The following TUSC3 variants were observed in gnomAD, a reference collection of about 807,000 sequenced individuals.
TUSC3 encodes the protein tumor suppressor candidate 3.
Under a neutral mutation model 44.8 loss-of-function variants are expected in TUSC3, and 45 were observed. The observed-to-expected ratio is 1.00, with a 90% CI of 0.79 to 1.29. The LOEUF is 1.29. Ranked by LOEUF, TUSC3 falls within the 50% of genes most tolerant of loss-of-function variation. TUSC3 has a pLI of 0.00. For missense variants in TUSC3, 519 were observed against 437.9 expected (o/e 1.19, Z -1.65); for synonymous variants, 212 against 152.9 (o/e 1.39, Z -2.85).
intron 1 of TUSC3, among the ~76,000 whole-genome samples, chr8:15,473,578 A>G (rs1800526457): frequency 6.6e-6 from 1 of 152,160 alleles, no homozygotes; most frequent in Non-Finnish European, 1.5e-5. Context: ...AAATGAAGAG[A>G]AAGAGTACAA....
chr8:15,506,648 G>C (rs1801054804), intron 2 of TUSC3, among the ~76,000 whole-genome samples: 1 of 152,166 alleles, frequency 6.6e-6, no homozygotes, highest in South Asian at 2.1e-4. Context: ...CAGGGGAAGT[G>C]CCTTTATAAA....
the TUSC3 span, among the ~76,000 whole-genome samples, chr8:15,793,500 A>G: frequency 6.6e-6 from 1 of 151,816 alleles, no homozygotes; most frequent in Non-Finnish European, 1.5e-5. Context: ...CTTTGTTCCC[A>G]TGTTGCTTGT....
At chr8:15,563,843 A>T (rs1202311622) in intron 1 of TUSC3, among the ~76,000 whole-genome samples, 2 of 152,126 alleles carry the variant, frequency 1.3e-5, no homozygotes, top group Non-Finnish European at 2.9e-5. Flanking sequence ...TATTTCAAGT[A>T]ATTCACGTAT....
chr8:15,809,496 C>CCT, the TUSC3 span, among the ~76,000 whole-genome samples: 2 of 150,208 alleles, frequency 1.3e-5, no homozygotes, highest in Non-Finnish European at 2.9e-5. Flanking sequence ...CAAGACCCCC[C>CCT]CTGTAGATGC....
At chr8:15,509,875 A>G (rs1246495964) in intron 2 of TUSC3, among the ~76,000 whole-genome samples, 1 of 152,210 alleles carries the variant, frequency 6.6e-6, no homozygotes, top group East Asian at 1.9e-4. Flanking sequence ...TGAAATTTTA[A>G]TAAGTTATTT....
chr8:15,672,678 A>C (rs1214865722), intron 5 of TUSC3, among the ~76,000 whole-genome samples: 2 of 152,092 alleles, frequency 1.3e-5, no homozygotes, highest in African/African-American at 2.4e-5. Context: ...TTAGTTGGTT[A>C]CATATTTTTA....
intron 1 of TUSC3, among the ~76,000 whole-genome samples, chr8:15,469,921 A>G (rs964776192): frequency 2.0e-5 from 3 of 152,192 alleles, no homozygotes; most frequent in East Asian, 1.9e-4. Flanking sequence ...GATTCCAACT[A>G]TATGACATTC....
rs1811177456 is a variant in TUSC3, at chr8:15,741,149, A to ATG, written c.863-2387_863-2386dup. 7.2e-4 allele frequency among the ~76,000 whole-genome samples: 3 copies of ATG among 4,168 alleles called. No homozygotes were observed. The South Asian group carries it at 9.9e-3, about 14-fold the overall frequency. The allele number at this position is 4,168 out of a possible 152,430, so 2.7% of individuals were successfully genotyped here. A position where few individuals can be genotyped will look rare whatever the true frequency, so the allele number is the denominator to read the frequency against. On this transcript the variant is annotated intron_variant, in intron 7 of 10. Coordinates refer to ENST00000503731, the MANE Select transcript of TUSC3 (RefSeq NM_006765.4). The stretch of plus-strand genomic sequence containing the variant: ...CTTTGTGTGTGTATAAACCGATAAC[A>ATG]TGTTTGTGTACATGTGCATTTATAT...
intron 1 of TUSC3, among the ~76,000 whole-genome samples, chr8:15,585,770 C>T (rs1045118083): frequency 6.6e-6 from 1 of 152,322 alleles, no homozygotes; most frequent in Non-Finnish European, 1.5e-5. Context: ...AGTCAAGCCC[C>T]TCAGTGTCTG....
chr8:15,503,630 G>A (rs1800999755), intron 2 of TUSC3, among the ~76,000 whole-genome samples: 2 of 152,088 alleles, frequency 1.3e-5, no homozygotes, highest in African/African-American at 4.8e-5. Flanking sequence ...CTTGAGCCCA[G>A]GAATTCGAGG....
At chr8:15,447,549 A>G (rs1005316306) in intron 1 of TUSC3, among the ~76,000 whole-genome samples, 1 of 152,222 alleles carries the variant, frequency 6.6e-6, no homozygotes, top group Admixed American at 6.5e-5. Context: ...CTATGAAGCA[A>G]TGAAAAAAGC....
chr8:15,646,542 T>A (rs1035552933), intron 2 of TUSC3, among the ~76,000 whole-genome samples: 18 of 152,138 alleles, frequency 1.2e-4, no homozygotes, highest in Non-Finnish European at 2.4e-4. Context: ...TTTTATTTTT[T>A]AATTTTTTTA....
intron 5 of TUSC3, among the ~76,000 whole-genome samples, chr8:15,671,722 G>A (rs1807954039): frequency 1.3e-5 from 2 of 152,046 alleles, no homozygotes; most frequent in South Asian, 4.1e-4. Context: ...TAGAATGTAA[G>A]CTTCCTAATG....
chr8:15,456,169 A>C (rs1385685148), intron 1 of TUSC3, among the ~76,000 whole-genome samples: 1 of 152,132 alleles, frequency 6.6e-6, no homozygotes, highest in Non-Finnish European at 1.5e-5. Context: ...AAAAACCTCT[A>C]ACTTCACAGC....
At chr8:15,756,746 A>T (rs747352468) in intron 9 of TUSC3, among the ~76,000 whole-genome samples, 14 of 152,286 alleles carry the variant, frequency 9.2e-5, no homozygotes, top group South Asian at 4.1e-4. Flanking sequence ...GCTCCAGAAG[A>T]TGCAGTCCAT....
intron 1 of TUSC3, among the ~76,000 whole-genome samples, chr8:15,464,017 C>G (rs940246425): frequency 6.6e-6 from 1 of 152,124 alleles, no homozygotes; most frequent in Non-Finnish European, 1.5e-5. Flanking sequence ...TCCTAAAGTG[C>G]CTGTAAGATG....
chr8:15,436,337 G>A (rs1016515766), intron 1 of TUSC3, among the ~76,000 whole-genome samples: 16 of 152,222 alleles, frequency 1.1e-4, no homozygotes, highest in Non-Finnish European at 8.8e-5. Context: ...TGTAATGAGA[G>A]CATGTGGGAT....
Position 15,540,470 on chromosome 8 carries a change from G to GGGC in TUSC3, c.47_49dup (p.Arg16dup). 6.2e-7 allele frequency: 1 copy of GGGC among 1,607,158 alleles called. No individual in the cohort carries two copies. Among genetic ancestry groups the GGGC allele is most frequent in the Non-Finnish European group, 8.5e-7 (1 of 1,177,604 alleles). On this transcript the variant is annotated inframe_insertion, in exon 1 of 11. Coordinates refer to ENST00000503731, the MANE Select transcript of TUSC3 (RefSeq NM_006765.4). Reference sequence around the variant, plus strand: ...CGCTCCTTCACGCCGTAGGCAAGCGGGGCGGCGGCTGCGGTACCTGCCCAC... The same window carrying GGGC: ...CGCTCCTTCACGCCGTAGGCAAGCGGGGCGGCGGCGGCTGCGGTACCTGCCCAC...
At chr8:15,434,240 T>A (rs1289373879) in intron 1 of TUSC3, among the ~76,000 whole-genome samples, 2 of 106,138 alleles carry the variant, frequency 1.9e-5, no homozygotes, top group Non-Finnish European at 4.3e-5. Flanking sequence ...TTGTACACTG[T>A]TTTTTTGTGA....
Sources: allele counts gnomAD v4.1 joint callset (sites outside exome capture counted in the v4.1 genomes callset), GRCh38; gene constraint gnomAD v4.1.1; transcripts MANE v1.5; gene names NCBI Gene and HGNC (gene_info 2026-07-23, HGNC 2026-07-21).